The following RABGAP1L variants were observed in gnomAD, a reference collection of about 807,000 sequenced individuals.
RABGAP1L encodes the protein rab GTPase-activating protein 1-like.
RABGAP1L carries 63 observed loss-of-function variants against 137.7 expected under a neutral mutation model. The ratio of observed to expected loss-of-function variants is 0.46; its 90% CI spans 0.37 to 0.56. The LOEUF (loss-of-function observed/expected upper bound fraction) is 0.56. Ranked by LOEUF, RABGAP1L falls within the 20% of genes least tolerant of loss-of-function variation. The probability of loss-of-function intolerance (pLI) is 0.00; values close to 1 mark genes in which losing one functional copy is unlikely to be tolerated. For synonymous variants in RABGAP1L, 431 were observed against 433.7 expected (o/e 0.99, Z 0.08); for missense variants, 1,095 against 1,244.0 (o/e 0.88, Z 1.80).
intron 13 of RABGAP1L, among the ~76,000 whole-genome samples, chr1:174,598,055 G>A (rs1572451237): frequency 6.6e-6 from 1 of 152,178 alleles, no homozygotes; most frequent in East Asian, 1.9e-4. Context: ...TTTAGGCCAG[G>A]TGTGGTGGCT....
At chr1:174,678,390 A>G (rs918690248) in intron 14 of RABGAP1L, among the ~76,000 whole-genome samples, 2 of 152,136 alleles carry the variant, frequency 1.3e-5, no homozygotes, top group African/African-American at 4.8e-5. Flanking sequence ...CCCTATACCA[A>G]AATGTGTCAG....
At chr1:174,969,445 C>T in intron 21 of RABGAP1L, 58 bp downstream of exon 21, 2 of 1,259,000 alleles carry the variant, frequency 1.6e-6, no homozygotes, top group Non-Finnish European at 1.1e-6. Context: ...GATTTGCCCT[C>T]ATCACCGCCC....
At position 174,770,461 on chromosome 1, in the gene RABGAP1L, C is replaced by T. The variant is rs1055235533; in HGVS notation, c.2211+18107C>T. ...TACCTTAAATTTGTTGAAGCAATTT[C>T]TCATTACTTATTTCTCATGAAACAA... is the stretch of plus-strand genomic sequence containing the variant. On this transcript the variant is annotated intron_variant, in intron 18 of 25. Coordinates refer to ENST00000681986, the MANE Select transcript of RABGAP1L (RefSeq NM_001366446.1). Among the ~76,000 whole-genome samples the T allele has an allele frequency of 2.9e-4, 44 of 152,280 alleles. 1 individual carries two copies. Among genetic ancestry groups the T allele is most frequent in the African/African-American group, 1.1e-3 (44 of 41,570 alleles).
chr1:174,793,275 G>T (rs1028167716), intron 18 of RABGAP1L, among the ~76,000 whole-genome samples: 2 of 152,330 alleles, frequency 1.3e-5, no homozygotes, highest in Middle Eastern at 3.4e-3. Flanking sequence ...TATTAGTGAT[G>T]CTACCAAGAC....
intron 19 of RABGAP1L, among the ~76,000 whole-genome samples, chr1:174,847,630 A>T (rs1426915035): frequency 1.2e-4 from 16 of 132,456 alleles, no homozygotes; most frequent in Non-Finnish European, 2.1e-4. Flanking sequence ...TTTGAGGGTA[A>T]CCCGACCTTT....
At chr1:174,258,554 T>A (rs1303212830) in intron 7 of RABGAP1L, among the ~76,000 whole-genome samples, 1 of 152,146 alleles carries the variant, frequency 6.6e-6, no homozygotes, top group Admixed American at 6.5e-5. Flanking sequence ...CTAAAGTGCT[T>A]GGCTTCCCAA....
intron 13 of RABGAP1L, among the ~76,000 whole-genome samples, chr1:174,625,279 T>C (rs1211009436): frequency 6.6e-6 from 1 of 152,242 alleles, no homozygotes; most frequent in Non-Finnish European, 1.5e-5. Flanking sequence ...CAGAGACTTA[T>C]TCTTGCTAAC....
intron 13 of RABGAP1L, among the ~76,000 whole-genome samples, chr1:174,585,049 T>C (rs560537105): frequency 6.6e-6 from 1 of 152,346 alleles, no homozygotes; most frequent in East Asian, 1.9e-4. Context: ...AAAGACTTAG[T>C]ATTAAAAAGA....
intron 17 of RABGAP1L, among the ~76,000 whole-genome samples, chr1:174,731,602 A>G (rs1025070819): frequency 1.3e-5 from 2 of 152,222 alleles, no homozygotes; most frequent in South Asian, 2.1e-4. Flanking sequence ...TGGAACTCCA[A>G]CTTGAGAATT....
intron 13 of RABGAP1L, among the ~76,000 whole-genome samples, chr1:174,405,505 G>A (rs1303078153): frequency 6.6e-6 from 1 of 152,056 alleles, no homozygotes; most frequent in Non-Finnish European, 1.5e-5. Flanking sequence ...ACAGGCTGTT[G>A]TATAAAAACC....
intron 12 of RABGAP1L, among the ~76,000 whole-genome samples, chr1:174,375,302 T>G (rs1685429628): frequency 6.6e-6 from 1 of 151,948 alleles, no homozygotes; most frequent in Admixed American, 6.6e-5. Context: ...TGATCTAAGC[T>G]TCTATCTTTA....
chr1:174,350,903 A>G (rs1683106877), intron 11 of RABGAP1L, among the ~76,000 whole-genome samples: 1 of 108,786 alleles, frequency 9.2e-6, no homozygotes. Flanking sequence ...GGCCCGGCCA[A>G]CACAGCGAAA....
chr1:174,337,631 G>A (rs566746219), intron 11 of RABGAP1L, among the ~76,000 whole-genome samples: 1 of 152,284 alleles, frequency 6.6e-6, no homozygotes, highest in East Asian at 1.9e-4. Flanking sequence ...CCTGTGATAT[G>A]TAAGTCTCAT....
intron 13 of RABGAP1L, among the ~76,000 whole-genome samples, chr1:174,426,839 G>A (rs1173013332): frequency 6.6e-6 from 1 of 152,052 alleles, no homozygotes; most frequent in Non-Finnish European, 1.5e-5. Context: ...TTGAATAAGT[G>A]TTGCTGTGAG....
chr1:174,377,290 T>C (rs1441132850), intron 12 of RABGAP1L, among the ~76,000 whole-genome samples: 1 of 152,168 alleles, frequency 6.6e-6, no homozygotes, highest in African/African-American at 2.4e-5. Context: ...CAAACTAATC[T>C]TAAAATTAGT....
At chr1:174,515,883 T>A (rs574164626) in intron 13 of RABGAP1L, among the ~76,000 whole-genome samples, 17,001 of 151,944 alleles carry the variant, frequency 0.11, 3,206 homozygotes, top group African/African-American at 0.39. Flanking sequence ...CACTCTATCT[T>A]AAGTTGGGTC....
chr1:174,770,896 A>G (rs1686065987), intron 18 of RABGAP1L, among the ~76,000 whole-genome samples: 1 of 152,216 alleles, frequency 6.6e-6, no homozygotes, highest in Admixed American at 6.5e-5. Context: ...GGGGATACAG[A>G]GATGACATTC....
chr1:174,189,040 C>T (rs374016786), intron 1 of RABGAP1L, among the ~76,000 whole-genome samples: 1 of 152,170 alleles, frequency 6.6e-6, no homozygotes, highest in Non-Finnish European at 1.5e-5. Flanking sequence ...GAGTCTTGCT[C>T]TGTTGCCCAG....
chr1:174,400,761 T>G (rs1225843959), intron 13 of RABGAP1L, among the ~76,000 whole-genome samples: 1 of 151,944 alleles, frequency 6.6e-6, no homozygotes, highest in East Asian at 1.9e-4. Context: ...AATTTTGCAA[T>G]GGTAGTGGGT....
Sources: gnomAD v4.1 joint callset for allele counts (sites outside exome capture counted in the v4.1 genomes callset) on GRCh38, gnomAD v4.1.1 for gene constraint, MANE v1.5 for transcripts, NCBI Gene and HGNC (gene_info 2026-07-23, HGNC 2026-07-21) for gene names.